Variants in EPHA4 observed in about 807,000 individuals in gnomAD.
The protein encoded by EPHA4 is EPH receptor A4, also known as ephrin type-A receptor 4.
In EPHA4, 19 loss-of-function variants were observed where a neutral mutation model predicts 108.3. That is an observed-to-expected ratio of 0.18 (90% confidence interval 0.12 to 0.26). The LOEUF (loss-of-function observed/expected upper bound fraction) is 0.26, where lower values mean the gene tolerates loss of function less well. Among genes scored for constraint, EPHA4 ranks in the 10% least tolerant of loss-of-function variants. The pLI, the probability that EPHA4 is intolerant of heterozygous loss-of-function variation, is 1.00. For synonymous variants in EPHA4, 449 were observed against 455.5 expected, an observed-to-expected ratio of 0.99 and a Z score of 0.18; for missense variants, 917 against 1,254.0, an observed-to-expected ratio of 0.73 and a Z score of 4.06.
At chr2:221,421,817 A>C (rs1370370778) in intron 17 of EPHA4, among the ~76,000 whole-genome samples, 1 of 152,222 alleles carries the variant, frequency 6.6e-6, no homozygotes, top group Non-Finnish European at 1.5e-5. Flanking sequence ...TATTTTGCCT[A>C]TTTTATCAAA....
chr2:221,431,764 T>C (rs908880906), intron 14 of EPHA4, among the ~76,000 whole-genome samples: 2 of 152,198 alleles, frequency 1.3e-5, no homozygotes, highest in Non-Finnish European at 2.9e-5. Context: ...TAATGCTCTT[T>C]CATAAGCTCC....
chr2:221,515,313 TC>T (rs763567231), intron 3 of EPHA4, among the ~76,000 whole-genome samples: 1 of 152,152 alleles, frequency 6.6e-6, no homozygotes, highest in African/African-American at 2.4e-5. Flanking sequence ...CAGGCTGGTC[TC>T]GAACTCCCAA....
At chr2:221,526,544 A>T (rs1303611864) in intron 3 of EPHA4, among the ~76,000 whole-genome samples, 1 of 24,574 alleles carries the variant, frequency 4.1e-5, no homozygotes, top group African/African-American at 5.2e-4. Context: ...ATCTAGTGTA[A>T]AAAAAAAAAA....
At chr2:221,444,522 C>G (rs1237702099) in intron 9 of EPHA4, among the ~76,000 whole-genome samples, 1 of 152,088 alleles carries the variant, frequency 6.6e-6, no homozygotes, top group Non-Finnish European at 1.5e-5. Flanking sequence ...TAGGAATAAG[C>G]TCCTTAAATT....
intron 11 of EPHA4, among the ~76,000 whole-genome samples, chr2:221,440,317 CCT>C (rs1210942300): frequency 3.9e-5 from 6 of 152,148 alleles, no homozygotes; most frequent in African/African-American, 9.7e-5. Context: ...ACAAAGATCC[CCT>C]GTTTCTTCTC....
intron 3 of EPHA4, among the ~76,000 whole-genome samples, chr2:221,509,260 G>A (rs1206460961): frequency 6.6e-6 from 1 of 152,076 alleles, no homozygotes; most frequent in Non-Finnish European, 1.5e-5. Context: ...CCCGGGAGGC[G>A]GAGGTTGCAG....
chr2:221,505,383 T>C (rs1574619452), intron 3 of EPHA4, among the ~76,000 whole-genome samples: 1 of 152,084 alleles, frequency 6.6e-6, no homozygotes, highest in Non-Finnish European at 1.5e-5. Flanking sequence ...TGGAGTGCAA[T>C]GGTGTGGCCT....
At chr2:221,454,709 C>CA (rs1690889274) in intron 8 of EPHA4, among the ~76,000 whole-genome samples, 1 of 152,146 alleles carries the variant, frequency 6.6e-6, no homozygotes, top group Admixed American at 6.5e-5. Flanking sequence ...AGCCTCTGGG[C>CA]AGACGATGGG....
intron 5 of EPHA4, among the ~76,000 whole-genome samples, chr2:221,459,713 A>C (rs916526400): frequency 1.3e-5 from 2 of 152,276 alleles, no homozygotes; most frequent in East Asian, 3.9e-4. Flanking sequence ...AAGTCATTTC[A>C]CTCCAGGTAA....
intron 4 of EPHA4, among the ~76,000 whole-genome samples, chr2:221,494,000 T>C (rs1692232840): frequency 6.6e-6 from 1 of 152,204 alleles, no homozygotes; most frequent in African/African-American, 2.4e-5. Context: ...TCGAGGCTGT[T>C]TACTTGGAGA....
chr2:221,536,240 G>A (rs1693664791), intron 3 of EPHA4, among the ~76,000 whole-genome samples: 1 of 152,178 alleles, frequency 6.6e-6, no homozygotes, highest in Non-Finnish European at 1.5e-5. Flanking sequence ...GCAGCCTAAG[G>A]AACTTGTCCA....
chr2:221,530,943 G>C (rs1289297184), intron 3 of EPHA4, among the ~76,000 whole-genome samples: 1 of 152,098 alleles, frequency 6.6e-6, no homozygotes. Context: ...GCTCTAAGTG[G>C]CTGAGGACAG....
chr2:221,537,527 C>T (rs1159297439), intron 3 of EPHA4, among the ~76,000 whole-genome samples: 4 of 152,234 alleles, frequency 2.6e-5, no homozygotes, highest in East Asian at 1.9e-4. Flanking sequence ...TGGCTCACAT[C>T]TGTAATGCAA....
intron 3 of EPHA4, among the ~76,000 whole-genome samples, chr2:221,558,896 A>G (rs550751447): frequency 6.6e-6 from 1 of 152,348 alleles, no homozygotes; most frequent in Admixed American, 6.5e-5. Flanking sequence ...TTGATTCTTA[A>G]TGATACGATT....
intron 3 of EPHA4, among the ~76,000 whole-genome samples, chr2:221,512,293 AAAGT>A (rs374489817): frequency 7.4e-4 from 112 of 152,372 alleles, no homozygotes; most frequent in African/African-American, 2.5e-3. Flanking sequence ...CTAAATGTAG[AAAGT>A]AAGTAATCAT....
In EPHA4 at chr2:221,455,530, G is replaced by T. The variant is rs1402616261; in HGVS notation, c.1715+17C>A. 6.3e-7 allele frequency: 1 copy of T among 1,583,286 alleles called. No individual in the cohort carries two copies. The highest frequency in any genetic ancestry group is 8.7e-7 in the Non-Finnish European group (1 of 1,152,048). ...GGGAAGGTCGGGGGCTGCACAGTGA[G>T]TGGCTTCAGTGCTTACCTCCGGCTG... On this transcript the variant is annotated intron_variant, in intron 8 of 17. Transcript: ENST00000281821.
chr2:221,499,762 T>A (rs1320520832), intron 4 of EPHA4, among the ~76,000 whole-genome samples: 51 of 113,910 alleles, frequency 4.5e-4, no homozygotes, highest in African/African-American at 1.5e-3. Flanking sequence ...ATATATTTTT[T>A]TTTTTTTTTT....
At chr2:221,573,701 C>G (rs746792709), upstream of EPHA4, 1 of 152,080 alleles carries the variant, frequency 6.6e-6, no homozygotes, top group East Asian at 1.9e-4. This position sits in a 1 kb window ranked among gnomAD's most constrained non-coding sequence, Gnocchi z 4.5. Context: ...CGCCACCTGC[C>G]GGCCAGATGC....
rs779864161 is a variant in EPHA4, at chr2:221,420,449, A to T, written c.*923T>A. The T allele has an allele frequency of 6.6e-6, 1 of 152,668 alleles. No homozygotes were observed. Among genetic ancestry groups the T allele is most frequent in the Non-Finnish European group, 1.5e-5 (1 of 68,052 alleles). The allele number at this position is 152,668 out of a possible 1,614,324, so 9.5% of individuals were successfully genotyped here. A position where few individuals can be genotyped will look rare whatever the true frequency, so the allele number is the denominator to read the frequency against. Reference sequence around the variant, plus strand: ...CCAGAACTGGTGTAATTGAAGCAGAAGAAACACATTTAGACGGAACTGAGG... The same window carrying T: ...CCAGAACTGGTGTAATTGAAGCAGATGAAACACATTTAGACGGAACTGAGG... On this transcript the variant is annotated 3_prime_UTR_variant, in exon 18 of 18. Transcript: ENST00000281821.
Sources: allele counts gnomAD v4.1 joint callset (sites outside exome capture counted in the v4.1 genomes callset), GRCh38; gene constraint gnomAD v4.1.1; non-coding constraint Gnocchi (gnomAD v3.1); transcripts MANE v1.5; gene names NCBI Gene and HGNC (gene_info 2026-07-23, HGNC 2026-07-21).